The following PITPNC1 variants were observed in gnomAD, a reference collection of about 807,000 sequenced individuals.
The protein encoded by PITPNC1 is cytoplasmic phosphatidylinositol transfer protein 1.
PITPNC1 carries 18 observed loss-of-function variants against 44.7 expected under a neutral mutation model. That is an observed-to-expected ratio of 0.40 (90% CI 0.28 to 0.60). The LOEUF is 0.60. Ranked by LOEUF, PITPNC1 falls within the 20% of genes least tolerant of loss-of-function variation. The pLI is 0.39. For synonymous variants in PITPNC1, 141 were observed against 149.6 expected (o/e 0.94, Z 0.42); for missense variants, 290 against 418.4 (o/e 0.69, Z 2.68).
intron 6 of PITPNC1, among the ~76,000 whole-genome samples, chr17:67,651,581 A>C (rs970354000): frequency 3.3e-5 from 5 of 152,224 alleles, no homozygotes; most frequent in African/African-American, 7.2e-5. Flanking sequence ...GCCATTTTGA[A>C]TGTATAGTTC....
At chr17:67,661,885 C>G (rs138303239) in intron 6 of PITPNC1, among the ~76,000 whole-genome samples, 1 of 151,990 alleles carries the variant, frequency 6.6e-6, no homozygotes, top group African/African-American at 2.4e-5. Flanking sequence ...CATCCAGTTA[C>G]TTGGGAGGCT....
intron 7 of PITPNC1, among the ~76,000 whole-genome samples, chr17:67,671,827 T>C (rs1426333804): frequency 6.6e-6 from 1 of 152,230 alleles, no homozygotes; most frequent in Non-Finnish European, 1.5e-5. Flanking sequence ...GCTTTGTGTC[T>C]ATCTAAGGCA....
chr17:67,522,950 A>G (rs1266383894), intron 1 of PITPNC1, among the ~76,000 whole-genome samples: 1 of 152,124 alleles, frequency 6.6e-6, no homozygotes, highest in African/African-American at 2.4e-5. Context: ...GATTACAGGC[A>G]TAGACTACCA....
chr17:67,615,363 A>C (rs1567739617), intron 5 of PITPNC1, among the ~76,000 whole-genome samples: 1 of 152,194 alleles, frequency 6.6e-6, no homozygotes, highest in African/African-American at 2.4e-5. Context: ...ATGAGCTGGA[A>C]GGAGACACAA....
chr17:67,471,363 G>A (rs905548480), intron 1 of PITPNC1: 13 of 266,864 alleles, frequency 4.9e-5, no homozygotes, highest in Non-Finnish European at 8.0e-5. Context: ...TTTACCAGTT[G>A]ATGGACATTT....
At chr17:67,461,709 A>G (rs1439013101) in intron 1 of PITPNC1, among the ~76,000 whole-genome samples, 1 of 152,170 alleles carries the variant, frequency 6.6e-6, no homozygotes, top group Non-Finnish European at 1.5e-5. Context: ...ATCGCTTGAG[A>G]GCAGGAGTTC....
At chr17:67,386,484 C>T (rs1403761077) in intron 1 of PITPNC1, among the ~76,000 whole-genome samples, 1 of 152,134 alleles carries the variant, frequency 6.6e-6, no homozygotes, top group African/African-American at 2.4e-5. Flanking sequence ...TGAGCCACTG[C>T]GCCCCGCCTA....
intron 6 of PITPNC1, among the ~76,000 whole-genome samples, chr17:67,667,180 C>T (rs2042435557): frequency 1.3e-5 from 2 of 152,112 alleles, no homozygotes; most frequent in South Asian, 4.1e-4. Flanking sequence ...CCAGGACTAG[C>T]CCCAAACCCA....
intron 5 of PITPNC1, among the ~76,000 whole-genome samples, chr17:67,596,452 TTACGTAACTGCA>T (rs946852178): frequency 2.1e-4 from 32 of 152,206 alleles, no homozygotes; most frequent in Non-Finnish European, 4.7e-4. Context: ...GGCTAAGAGT[TTACGTAACTGCA>T]TACTGTTCCC....
At chr17:67,671,459 A>T (rs1341487298) in intron 7 of PITPNC1, among the ~76,000 whole-genome samples, 1 of 152,196 alleles carries the variant, frequency 6.6e-6, no homozygotes, top group African/African-American at 2.4e-5. Flanking sequence ...ACCTTAATGC[A>T]CTGAGCTTTT....
At chr17:67,560,279 T>C in intron 4 of PITPNC1, among the ~76,000 whole-genome samples, 1 of 152,226 alleles carries the variant, frequency 6.6e-6, no homozygotes, top group East Asian at 1.9e-4. Context: ...CCACTAACTA[T>C]GCCAGTGGAT....
At chr17:67,674,418 C>T (rs2042567185) in intron 7 of PITPNC1, among the ~76,000 whole-genome samples, 1 of 150,646 alleles carries the variant, frequency 6.6e-6, no homozygotes, top group Non-Finnish European at 1.5e-5. Context: ...GCACAAGAAT[C>T]GCTTAAACAC....
At chr17:67,482,805 A>G (rs909665849) in intron 1 of PITPNC1, among the ~76,000 whole-genome samples, 6 of 152,206 alleles carry the variant, frequency 3.9e-5, no homozygotes, top group Admixed American at 2.6e-4. Context: ...AGGAATAATG[A>G]TTTCTACAGC....
intron 1 of PITPNC1, among the ~76,000 whole-genome samples, chr17:67,484,713 G>A (rs1260466572): frequency 2.0e-5 from 3 of 152,088 alleles, no homozygotes; most frequent in East Asian, 1.9e-4. Flanking sequence ...CGAGGTGGGC[G>A]GATCACTTGA....
chr17:67,437,899 C>T (rs2038958896), intron 1 of PITPNC1, among the ~76,000 whole-genome samples: 1 of 152,026 alleles, frequency 6.6e-6, no homozygotes, highest in Admixed American at 6.5e-5. Context: ...GAAACCCCAT[C>T]TCTACTAAAA....
intron 8 of PITPNC1, among the ~76,000 whole-genome samples, chr17:67,691,942 G>A (rs2042934179): frequency 6.6e-6 from 1 of 151,874 alleles, no homozygotes; most frequent in Non-Finnish European, 1.5e-5. Context: ...CCAGGAGGTC[G>A]AGACTGCCGT....
chr17:67,493,197 G>C (rs2039887079), intron 1 of PITPNC1, among the ~76,000 whole-genome samples: 1 of 152,112 alleles, frequency 6.6e-6, no homozygotes, highest in African/African-American at 2.4e-5. Flanking sequence ...TTGAACGCAG[G>C]GTTTTCTTGG....
At chr17:67,629,236 T>TTGTGTGTGTGTGTGTGTGTGTGTGTGTG (rs1231017107) in intron 5 of PITPNC1, among the ~76,000 whole-genome samples, 2 of 5,726 alleles carry the variant, frequency 3.5e-4, no homozygotes, top group East Asian at 8.9e-3. Flanking sequence ...CTCTGGGGTA[T>TTGTGTGTGTGTGTGTGTGTGTGTGTGTG]TCTGTGTGTG....
chr17:67,447,775 T>A (rs1375464765), intron 1 of PITPNC1, among the ~76,000 whole-genome samples: 1 of 152,158 alleles, frequency 6.6e-6, no homozygotes. Flanking sequence ...TTGTCTTTGA[T>A]ACTATGAAGG....
Sources: gnomAD v4.1 joint callset for allele counts (sites outside exome capture counted in the v4.1 genomes callset) on GRCh38, gnomAD v4.1.1 for gene constraint, MANE v1.5 for transcripts, NCBI Gene and HGNC (gene_info 2026-07-23, HGNC 2026-07-21) for gene names.